ARHGAP33: variants seen among roughly 807,000 people sequenced by gnomAD.
The protein encoded by ARHGAP33 is Rho GTPase activating protein 33, also known as rho GTPase-activating protein 33.
A neutral mutation model predicts 126.2 loss-of-function variants in ARHGAP33; 57 were observed. That is an observed-to-expected ratio of 0.45 (90% confidence interval 0.36 to 0.56). ARHGAP33 has a LOEUF of 0.56. ARHGAP33 is among the 20% of genes least tolerant of loss of function. ARHGAP33 has a pLI of 0.00. For missense variants in ARHGAP33, 1,500 were observed against 1,748.3 expected (o/e 0.86, Z 2.53); for synonymous variants, 711 against 755.0 (o/e 0.94, Z 0.95).
chr19:35,781,241 C>T lies in ARHGAP33; in HGVS notation c.1074C>T (p.Ile358=), dbSNP rs778348847. 16 of 1,614,034 alleles carry T rather than the reference C, an allele frequency of 9.9e-6. No individual in the cohort carries two copies. The South Asian group carries it at 1.5e-4, about 16-fold the overall frequency. The stretch of plus-strand genomic sequence containing the variant: ...GGCTCTCAGGCGTGTCTTCCAACAT[C>T]CAGAGGCTTCGGTGAGGGCCCTTAG... The part of the protein sequence containing the change: ...IYRLSGVSSN[I]QRLRHEFDSE... The change falls in exon 12 of 21, where the codon ATC becomes ATT. Residue 358 remains isoleucine, a synonymous_variant. Coordinates refer to ENST00000007510, the MANE Select transcript of ARHGAP33 (RefSeq NM_001366178.1).
At chr19:35,780,182 G>A (rs1463654044) in intron 6 of ARHGAP33, 29 bp from the exon 7 acceptor site, 18 of 1,611,672 alleles carry the variant, frequency 1.1e-5, no homozygotes, top group Non-Finnish European at 1.4e-5. Flanking sequence ...CTTCTGACCT[G>A]TCCTTGCCAC....
At position 35,775,593 on chromosome 19, in the gene ARHGAP33, G is replaced by T; in HGVS notation, c.-66G>T. On this transcript the variant is annotated 5_prime_UTR_variant, in exon 1 of 21. Coordinates refer to ENST00000007510, the MANE Select transcript of ARHGAP33 (RefSeq NM_001366178.1). ...TCCCCTTTGTGTCGCCATGGCGGCG[G>T]CAGCGGCGACGAGAACGGCGAGCGA... is the stretch of plus-strand genomic sequence containing the variant. 1 of 1,467,910 alleles carries T rather than the reference G, an allele frequency of 6.8e-7. No homozygotes were observed. The highest frequency in any genetic ancestry group is 2.5e-5 in the Admixed American group (1 of 39,532). The allele number at this position is 1,467,910 out of a possible 1,614,324, so 90.9% of individuals were successfully genotyped here. A position where few individuals can be genotyped will look rare whatever the true frequency, so the allele number is the denominator to read the frequency against.
At chr19:35,778,826 C>T (rs1971592920) in intron 5 of ARHGAP33, 1 of 825,962 alleles carries the variant, frequency 1.2e-6, no homozygotes, top group Non-Finnish European at 1.8e-6. Context: ...ATGGGAGGGT[C>T]ACCATGGTCA....
chr19:35,780,720 C>G (rs781397377), intron 9 of ARHGAP33, 37 bp from the exon 10 acceptor site: 3 of 1,613,456 alleles, frequency 1.9e-6, no homozygotes, highest in South Asian at 2.2e-5. Flanking sequence ...TCTTTTGCCT[C>G]CCACTCATCC....
At position 35,788,512 on chromosome 19, in the gene ARHGAP33, T is replaced by C; in HGVS notation, c.*83T>C. The stretch of plus-strand genomic sequence containing the variant: ...ACCAAATCCCTTGTTTTGTATTTTC[T>C]TGAACCCCGACCACTACCCCAGGTT... On this transcript the variant is annotated 3_prime_UTR_variant, in exon 21 of 21. Coordinates refer to ENST00000007510, the MANE Select transcript of ARHGAP33 (RefSeq NM_001366178.1). 2 of 1,284,534 alleles carry C rather than the reference T, an allele frequency of 1.6e-6. No individual in the cohort carries two copies. The highest frequency in any genetic ancestry group is 2.1e-6 in the Non-Finnish European group (2 of 963,406). 79.6% of individuals were successfully genotyped at this position (1,284,534 alleles called of 1,614,324 possible).
rs1972250539 is a variant in ARHGAP33 at position 35,788,626 on chromosome 19, A to G, written c.*197A>G. ...GACTGAAGGGTCTGCCCATCCCCCC[A>G]CCACCCTCCATCCTGGGGGCCCTCG... is the stretch of plus-strand genomic sequence containing the variant. On this transcript the variant is annotated 3_prime_UTR_variant, in exon 21 of 21. Coordinates refer to ENST00000007510, the MANE Select transcript of ARHGAP33 (RefSeq NM_001366178.1). The G allele has an allele frequency of 2.0e-6, 1 of 509,524 alleles. No homozygotes were observed. The highest frequency in any genetic ancestry group is 3.4e-6 in the Non-Finnish European group (1 of 297,602). 31.6% of individuals were successfully genotyped at this position (509,524 alleles called of 1,614,324 possible).
At chr19:35,780,696 T>TTGGGGGG in intron 9 of ARHGAP33, 48 bp downstream of exon 9, 4 of 825,574 alleles carry the variant, frequency 4.8e-6, no homozygotes, top group Non-Finnish European at 6.9e-6. Flanking sequence ...TGGGAAGGGG[T>TTGGGGGG]GGGGCCTCCT....
At chr19:35,779,268 G>A (rs1247686049) in intron 6 of ARHGAP33, 144 bp downstream of exon 6, 23 of 631,586 alleles carry the variant, frequency 3.6e-5, no homozygotes, top group South Asian at 1.8e-4. Flanking sequence ...CTGTGTGGGC[G>A]CATGCCTGTG....
rs200942970 is a variant in ARHGAP33 at position 35,782,351 on chromosome 19, C to T, written c.1086-22C>T. The T allele has an allele frequency of 1.1e-3, 1,812 of 1,591,416 alleles. 4 individuals carry two copies. The highest frequency in any genetic ancestry group is 1.9e-3 in the South Asian group (172 of 89,816). On this transcript the variant is annotated intron_variant, in intron 12 of 20. Coordinates refer to ENST00000007510, the MANE Select transcript of ARHGAP33 (RefSeq NM_001366178.1). This position sits in a 1 kb window ranked among gnomAD's most constrained non-coding sequence, Gnocchi z 4.1. ...AGCCCCTCTGACCTGGATCTTCCTC[C>T]TCCTTGACACGGTGGTCTCAGGCAC...
Position 35,786,268 on chromosome 19 carries a change from C to A in ARHGAP33, c.1943-145C>A. 2 of 1,430,550 alleles carry A rather than the reference C, an allele frequency of 1.4e-6. No homozygotes were observed. Among genetic ancestry groups the A allele is most frequent in the Non-Finnish European group, 1.8e-6 (2 of 1,096,874 alleles). 88.6% of individuals were successfully genotyped at this position (1,430,550 alleles called of 1,614,324 possible). A position where few individuals can be genotyped will look rare whatever the true frequency, so the allele number is the denominator to read the frequency against. On this transcript the variant is annotated intron_variant, in intron 19 of 20. Coordinates refer to ENST00000007510, the MANE Select transcript of ARHGAP33 (RefSeq NM_001366178.1). This position sits in a 1 kb window ranked among gnomAD's most constrained non-coding sequence, Gnocchi z 7.0. The stretch of plus-strand genomic sequence containing the variant: ...GGGCCGGAAGTGTCCTCTTCATGGT[C>A]TCCACTGTCAATCTGAACAGCTCTT...
intron 1 of ARHGAP33, 122 bp from the exon 2 acceptor site, chr19:35,777,523 G>T: frequency 1.3e-6 from 1 of 766,340 alleles, no homozygotes; most frequent in African/African-American, 1.7e-5. Flanking sequence ...CTGCCATCCT[G>T]CTTCATGCTC....
chr19:35,786,102 G>A lies in ARHGAP33; in HGVS notation c.1943-311G>A, dbSNP rs1426171191. 16 of 1,237,672 alleles carry A rather than the reference G, an allele frequency of 1.3e-5. No homozygotes were observed. Among genetic ancestry groups the A allele is most frequent in the African/African-American group, 9.2e-5 (6 of 64,908 alleles). The allele number at this position is 1,237,672 out of a possible 1,614,324, so 76.7% of individuals were successfully genotyped here. The stretch of plus-strand genomic sequence containing the variant: ...CCTCTGGGGGCTCTTCTGAGCCACC[G>A]CGCCATCCTCACACTCCTGGGGTAC... On this transcript the variant is annotated intron_variant, in intron 19 of 20. Transcript: ENST00000007510. The surrounding 1 kb of genome is among the most constrained non-coding windows in gnomAD (Gnocchi z 7.0).
chr19:35,786,181 T>C lies in ARHGAP33; in HGVS notation c.1943-232T>C. 3 of 1,387,748 alleles carry C rather than the reference T, an allele frequency of 2.2e-6. No individual in the cohort carries two copies. Among genetic ancestry groups the C allele is most frequent in the Non-Finnish European group, 1.9e-6 (2 of 1,075,040 alleles). 86.0% of individuals were successfully genotyped at this position (1,387,748 alleles called of 1,614,324 possible). ...TGCTGTCCTGCTGGCTCAGCAGCTGTATGTGAATCTGTTGGTCTCGTGCTC... is the reference window on the plus strand; with the variant it reads ...TGCTGTCCTGCTGGCTCAGCAGCTGCATGTGAATCTGTTGGTCTCGTGCTC... On this transcript the variant is annotated intron_variant, in intron 19 of 20. Coordinates refer to ENST00000007510, the MANE Select transcript of ARHGAP33 (RefSeq NM_001366178.1). The surrounding 1 kb of genome is among the most constrained non-coding windows in gnomAD (Gnocchi z 7.0).
At position 35,786,456 on chromosome 19, in the gene ARHGAP33, C is replaced by T. The variant is rs1188165640; in HGVS notation, c.1986C>T (p.Ser662=). 1.6e-5 allele frequency: 24 copies of T among 1,535,640 alleles called. No individual in the cohort carries two copies. Among genetic ancestry groups the T allele is most frequent in the Admixed American group, 5.9e-5 (3 of 50,958 alleles). Residue 662 remains serine (S), a synonymous_variant, in exon 20 of 21, where the codon AGC becomes AGT. Coordinates refer to ENST00000007510, the MANE Select transcript of ARHGAP33 (RefSeq NM_001366178.1). This position sits in a 1 kb window ranked among gnomAD's most constrained non-coding sequence, Gnocchi z 7.0. ...LHRLRRPHSS[S]DAFPVGPAPA... is the part of the protein sequence containing the mutation. ...GGCTGCGGCGACCCCACTCCAGCAG[C>T]GACGCTTTCCCTGTGGGCCCAGCAC... is the stretch of plus-strand genomic sequence containing the variant.
Position 35,787,601 on chromosome 19 carries a change from G to A in ARHGAP33, c.3036G>A (p.Ala1012=), listed in dbSNP as rs1292795209. The part of the protein sequence containing the change: ...QLRAGGGGRD[A]PEAAAQSPCS... ...GGGCAGGTGGCGGGGGCAGGGATGC[G>A]CCAGAGGCAGCAGCCCAGTCCCCAT... The change falls in exon 21 of 21, where the codon GCG becomes GCA. Residue 1012 remains alanine (A), a synonymous_variant. Transcript: ENST00000007510. 1.0e-5 allele frequency: 16 copies of A among 1,605,254 alleles called. No homozygotes were observed. Among genetic ancestry groups the A allele is most frequent in the Middle Eastern group, 1.7e-4 (1 of 6,014 alleles).
rs780374502 is a variant in ARHGAP33 at position 35,780,409 on chromosome 19, G to T, written c.625-12G>T. 1 of 1,597,012 alleles carries T rather than the reference G, an allele frequency of 6.3e-7. No homozygotes were observed. Among genetic ancestry groups the T allele is most frequent in the Non-Finnish European group, 8.6e-7 (1 of 1,168,972 alleles). On this transcript the variant is annotated splice_polypyrimidine_tract_variant and intron_variant, in intron 7 of 20. Transcript: ENST00000007510. ...CCTTCTGACCCTTCTCTTCCCACCC[G>T]CCCTCTCCCAGGTGGGAGACATTGT...
intron 19 of ARHGAP33, chr19:35,785,944 G>T (rs1327142439): frequency 1.9e-6 from 2 of 1,064,270 alleles, no homozygotes; most frequent in East Asian, 1.6e-4. Flanking sequence ...TTTAAAGGGC[G>T]TTGTAAGAAA....
intron 12 of ARHGAP33, 83 bp downstream of exon 12, chr19:35,781,335 A>T: frequency 7.2e-7 from 1 of 1,388,962 alleles, no homozygotes; most frequent in Non-Finnish European, 1.0e-6. Flanking sequence ...TGCTGGGGAC[A>T]CAGTTACCAG....
chr19:35,780,202 C>CT lies in ARHGAP33; in HGVS notation c.502-8dup. 6.2e-7 allele frequency: 1 copy of CT among 1,613,468 alleles called. No homozygotes were observed. The highest frequency in any genetic ancestry group is 8.5e-7 in the Non-Finnish European group (1 of 1,179,718). On this transcript the variant is annotated splice_polypyrimidine_tract_variant and intron_variant, in intron 6 of 20. Coordinates refer to ENST00000007510, the MANE Select transcript of ARHGAP33 (RefSeq NM_001366178.1). Reference sequence around the variant, plus strand: ...GACCTGTCCTTGCCACATTCCACCTCTATTTCAGCTGGACAATCACGGCCG... The same window carrying CT: ...GACCTGTCCTTGCCACATTCCACCTCTTATTTCAGCTGGACAATCACGGCCG...
Sources: gnomAD v4.1 joint callset for allele counts on GRCh38, gnomAD v4.1.1 for gene constraint, Gnocchi (gnomAD v3.1) non-coding constraint, MANE v1.5 for transcripts, NCBI Gene and HGNC (gene_info 2026-07-23, HGNC 2026-07-21) for gene names.